Variants in CCSER1 observed in about 807,000 individuals in gnomAD.
The protein encoded by CCSER1 is serine-rich coiled-coil domain-containing protein 1.
A neutral mutation model predicts 82.0 loss-of-function variants in CCSER1; 41 were observed. The ratio of observed to expected loss-of-function variants is 0.50; its 90% CI spans 0.39 to 0.65. The LOEUF (loss-of-function observed/expected upper bound fraction) is 0.65. CCSER1 is among the 30% of genes least tolerant of loss of function. The pLI, the probability that CCSER1 is intolerant of heterozygous loss-of-function variation, is 0.00. For synonymous variants in CCSER1, 414 were observed against 383.9 expected (o/e 1.08, Z -0.92); for missense variants, 1,119 against 1,064.2 (o/e 1.05, Z -0.72).
intron 9 of CCSER1, among the ~76,000 whole-genome samples, chr4:91,047,932 ATG>A (rs992860613): frequency 6.6e-6 from 1 of 152,064 alleles, no homozygotes; most frequent in African/African-American, 2.4e-5. Flanking sequence ...ATAAACATGT[ATG>A]TGTTAATTTT....
chr4:91,194,989 G>A (rs1735296667), intron 10 of CCSER1, among the ~76,000 whole-genome samples: 1 of 152,136 alleles, frequency 6.6e-6, no homozygotes, highest in Non-Finnish European at 1.5e-5. Flanking sequence ...TTATATGAAG[G>A]AAGAAAGTGA....
intron 9 of CCSER1, among the ~76,000 whole-genome samples, chr4:91,077,195 G>A (rs902456144): frequency 4.6e-5 from 7 of 152,120 alleles, no homozygotes; most frequent in African/African-American, 1.7e-4. Flanking sequence ...ATTCAGTAGA[G>A]AGCACAGAGG....
At chr4:90,701,908 G>A (rs931545207) in intron 6 of CCSER1, among the ~76,000 whole-genome samples, 3 of 152,158 alleles carry the variant, frequency 2.0e-5, no homozygotes, top group African/African-American at 4.8e-5. Context: ...ATACAATCAT[G>A]TCATCTGTAA....
chr4:91,320,813 T>C (rs1746144833), intron 10 of CCSER1, among the ~76,000 whole-genome samples: 1 of 152,024 alleles, frequency 6.6e-6, no homozygotes, highest in Non-Finnish European at 1.5e-5. Flanking sequence ...TCTGCCGCAA[T>C]TGATTTTTAT....
chr4:91,189,452 T>C (rs1178208658), intron 10 of CCSER1, among the ~76,000 whole-genome samples: 1 of 152,182 alleles, frequency 6.6e-6, no homozygotes, highest in African/African-American at 2.4e-5. Context: ...GCATCTGGTC[T>C]CCAGTGGCCT....
chr4:90,913,754 G>A (rs6532260), intron 8 of CCSER1, among the ~76,000 whole-genome samples: 70,896 of 151,776 alleles, frequency 0.47, 18,222 homozygotes, highest in African/African-American at 0.7. Flanking sequence ...CCCATCTCAC[G>A]TGCAGAGACA....
At chr4:91,383,379 G>A (rs528414534) in intron 10 of CCSER1, among the ~76,000 whole-genome samples, 1 of 151,574 alleles carries the variant, frequency 6.6e-6, no homozygotes, top group African/African-American at 2.4e-5. Flanking sequence ...GAGATCAGAA[G>A]GTGAGAGTTA....
chr4:90,314,284 C>G (rs1371618406), intron 3 of CCSER1, among the ~76,000 whole-genome samples: 2 of 152,020 alleles, frequency 1.3e-5, no homozygotes, highest in Non-Finnish European at 2.9e-5. Flanking sequence ...TGTGCATTGG[C>G]TATTATATTA....
At chr4:91,385,015 G>A (rs1437873012) in intron 10 of CCSER1, among the ~76,000 whole-genome samples, 1 of 152,004 alleles carries the variant, frequency 6.6e-6, no homozygotes, top group South Asian at 2.1e-4. Context: ...CTATGGAAGA[G>A]AACTTGGCAA....
intron 3 of CCSER1, among the ~76,000 whole-genome samples, chr4:90,358,277 G>A (rs2153516503): frequency 6.7e-6 from 1 of 148,536 alleles, no homozygotes; most frequent in Non-Finnish European, 1.5e-5. Flanking sequence ...GATTTAAAAT[G>A]AAGTTACACA....
At chr4:90,565,923 C>T (rs966575592) in intron 5 of CCSER1, among the ~76,000 whole-genome samples, 4 of 150,796 alleles carry the variant, frequency 2.7e-5, no homozygotes, top group Non-Finnish European at 5.9e-5. Context: ...TGCAGAAGCG[C>T]AATCTTGGCT....
intron 10 of CCSER1, among the ~76,000 whole-genome samples, chr4:91,196,879 C>G (rs1735483546): frequency 6.6e-6 from 1 of 152,230 alleles, no homozygotes; most frequent in Admixed American, 6.5e-5. Flanking sequence ...CTACAGACAA[C>G]TATTACTCTT....
rs75564380 is a variant in CCSER1, at chr4:90,809,555, G to A, written c.2011-6207G>A. On this transcript the variant is annotated intron_variant, in intron 7 of 10. Transcript: ENST00000509176. ...AAGCAGGGAAGTGTGAAGGGAGTGA[G>A]GGGTGAAAAATTACCTATTGGGTAC... Among the ~76,000 whole-genome samples the A allele has an allele frequency of 3.6e-3, 550 of 152,092 alleles. 1 individual carries two copies. The highest frequency in any genetic ancestry group is 6.1e-3 in the Non-Finnish European group (412 of 67,994).
intron 7 of CCSER1, among the ~76,000 whole-genome samples, chr4:90,805,732 G>C (rs1757420157): frequency 6.6e-6 from 1 of 152,110 alleles, no homozygotes; most frequent in Non-Finnish European, 1.5e-5. Context: ...GAATGAGAAA[G>C]AGAATGTCAT....
intron 8 of CCSER1, among the ~76,000 whole-genome samples, chr4:90,879,839 G>T (rs1311758450): frequency 6.6e-6 from 1 of 152,118 alleles, no homozygotes; most frequent in African/African-American, 2.4e-5. Flanking sequence ...TCCTTTAACT[G>T]CAATATAGAT....
rs58159693 is a variant in CCSER1, at chr4:91,551,656, AACACACACACACACACACACAC to A, written c.2218-46892_2218-46871del. On this transcript the variant is annotated intron_variant, in intron 10 of 10. Coordinates refer to ENST00000509176, the MANE Select transcript of CCSER1 (RefSeq NM_001145065.2). Reference sequence around the variant, plus strand: ...TTCCTGAAGCAGCAGGCAAAAAACAAACACACACACACACACACACACACACACACACACACACACACACAAT... The same window carrying A: ...TTCCTGAAGCAGCAGGCAAAAAACAAACACACACACACACACACACACAAT... 3.4e-3 allele frequency among the ~76,000 whole-genome samples: 481 copies of A among 139,526 alleles called. 5 individuals are homozygous for A. The highest frequency in any genetic ancestry group is 0.012 in the African/African-American group (461 of 36,978). The allele number at this position is 139,526 out of a possible 152,430, so 91.5% of individuals were successfully genotyped here.
chr4:90,684,973 A>G (rs749710497), intron 6 of CCSER1, among the ~76,000 whole-genome samples: 7 of 152,134 alleles, frequency 4.6e-5, no homozygotes, highest in Non-Finnish European at 8.8e-5. Flanking sequence ...TTTCCTGTAT[A>G]AATTACCCAG....
At chr4:90,633,503 T>A (rs1414267919) in intron 6 of CCSER1, among the ~76,000 whole-genome samples, 1 of 152,000 alleles carries the variant, frequency 6.6e-6, no homozygotes, top group Non-Finnish European at 1.5e-5. Flanking sequence ...ACTGTATTTT[T>A]AAAATTATCT....
chr4:90,477,686 GT>G (rs898887386), intron 5 of CCSER1, among the ~76,000 whole-genome samples: 27 of 146,858 alleles, frequency 1.8e-4, no homozygotes, highest in African/African-American at 4.5e-4. Context: ...ATGTTTCCTG[GT>G]TTTTTTTTTA....
Sources: gnomAD v4.1 joint callset for allele counts (sites outside exome capture counted in the v4.1 genomes callset) on GRCh38, gnomAD v4.1.1 for gene constraint, MANE v1.5 for transcripts, NCBI Gene and HGNC (gene_info 2026-07-23, HGNC 2026-07-21) for gene names.